The following ABCC9 variants were observed in gnomAD, a reference collection of about 807,000 sequenced individuals.
ABCC9 encodes the protein ATP binding cassette subfamily C member 9.
Under a neutral mutation model 188.3 loss-of-function variants are expected in ABCC9, and 95 were observed. That is an observed-to-expected ratio of 0.50 (90% CI 0.43 to 0.60). ABCC9 has a LOEUF of 0.60. Among genes scored for constraint, ABCC9 ranks in the 20% least tolerant of loss-of-function variants. ABCC9 has a pLI of 0.00. For missense variants in ABCC9, 1,102 were observed against 1,876.3 expected, an observed-to-expected ratio of 0.59 and a Z score of 7.62; for synonymous variants, 659 against 652.7, an observed-to-expected ratio of 1.01 and a Z score of -0.15.
At chr12:21,935,933 G>A (rs935122884) in intron 3 of ABCC9, among the ~76,000 whole-genome samples, 4 of 152,032 alleles carry the variant, frequency 2.6e-5, no homozygotes, top group Non-Finnish European at 5.9e-5. Context: ...AGACAAAACT[G>A]TATTGTTAAC....
intron 4 of ABCC9, among the ~76,000 whole-genome samples, chr12:21,931,473 T>C (rs555981689): frequency 6.6e-6 from 1 of 152,134 alleles, no homozygotes; most frequent in East Asian, 1.9e-4. Context: ...AGTCTATACC[T>C]AAAGAGTAGA....
intron 14 of ABCC9, among the ~76,000 whole-genome samples, chr12:21,892,902 G>A (rs1393303552): frequency 2.6e-5 from 4 of 152,006 alleles, no homozygotes; most frequent in Admixed American, 6.6e-5. Flanking sequence ...CTATGTTTCC[G>A]TCAATTGCAA....
At chr12:21,827,258 G>A (rs1425520836) in intron 31 of ABCC9, 5 of 985,156 alleles carry the variant, frequency 5.1e-6, no homozygotes, top group African/African-American at 1.7e-5. Flanking sequence ...CAGAGCATAT[G>A]GTTTGCTTGA....
chr12:21,850,850 C>G (rs1375505584), intron 24 of ABCC9, among the ~76,000 whole-genome samples: 1 of 152,104 alleles, frequency 6.6e-6, no homozygotes, highest in Non-Finnish European at 1.5e-5. Flanking sequence ...TCAACTGTAC[C>G]TGATACTGTT....
intron 7 of ABCC9, among the ~76,000 whole-genome samples, chr12:21,913,598 A>G (rs1183494934): frequency 6.6e-6 from 1 of 152,196 alleles, no homozygotes; most frequent in Admixed American, 6.6e-5. Context: ...GGTATTTCTT[A>G]TCTCCCTGAA....
At chr12:21,916,288 G>A (rs1184810771) in intron 6 of ABCC9, among the ~76,000 whole-genome samples, 1 of 152,056 alleles carries the variant, frequency 6.6e-6, no homozygotes, top group Non-Finnish European at 1.5e-5. Context: ...TTGATCTATG[G>A]TTTCCTGATG....
intron 30 of ABCC9, among the ~76,000 whole-genome samples, chr12:21,834,784 T>C (rs979160808): frequency 9.9e-5 from 3 of 30,310 alleles, no homozygotes; most frequent in South Asian, 3.1e-3. Flanking sequence ...TATATAACAT[T>C]ATACACACAC....
chr12:21,932,603 G>T (rs1592267033), intron 4 of ABCC9, among the ~76,000 whole-genome samples: 1 of 152,058 alleles, frequency 6.6e-6, no homozygotes, highest in East Asian at 1.9e-4. Flanking sequence ...AAAAAAGTGG[G>T]CAAAGGACAT....
intron 12 of ABCC9, among the ~76,000 whole-genome samples, chr12:21,899,923 A>G (rs1340842643): frequency 6.6e-6 from 1 of 152,224 alleles, no homozygotes; most frequent in Non-Finnish European, 1.5e-5. Context: ...AAACCTCTGC[A>G]GACTTAAATG....
chr12:21,836,327 G>A (rs1376568041), intron 30 of ABCC9, among the ~76,000 whole-genome samples: 1 of 152,080 alleles, frequency 6.6e-6, no homozygotes, highest in African/African-American at 2.4e-5. Flanking sequence ...TGCCCTTTGT[G>A]CACTGGCCTC....
At chr12:21,821,786 AG>A (rs1435166859) in intron 31 of ABCC9, among the ~76,000 whole-genome samples, 1 of 152,160 alleles carries the variant, frequency 6.6e-6, no homozygotes, top group Non-Finnish European at 1.5e-5. Context: ...GGTAACAGGT[AG>A]GTAGTCTTAT....
intron 3 of ABCC9, 53 bp downstream of exon 3, chr12:21,936,480 T>C: frequency 6.8e-7 from 1 of 1,476,636 alleles, no homozygotes; most frequent in Non-Finnish European, 9.4e-7. Flanking sequence ...TCTCAGCCAT[T>C]AGCGAGATAT....
At position 21,861,230 on chromosome 12, in the gene ABCC9, C is replaced by CATT. The variant is rs1350257236; in HGVS notation, c.2340-176_2340-175insAAT. On this transcript the variant is annotated intron_variant, in intron 20 of 39. Coordinates refer to ENST00000261200, the MANE Select transcript of ABCC9 (RefSeq NM_020297.4). ...AGATACATAAGTACTACTTCCCCCC[C>CATT]CTTTTTTTTTTTTTTTTGAAGACAG... 2.7e-4 allele frequency among the ~76,000 whole-genome samples: 40 copies of CATT among 146,736 alleles called. 2 individuals are homozygous for CATT. The highest frequency in any genetic ancestry group is 3.0e-4 in the African/African-American group (12 of 39,570).
At chr12:21,867,021 C>T (rs1254299934) in intron 18 of ABCC9, among the ~76,000 whole-genome samples, 1 of 152,046 alleles carries the variant, frequency 6.6e-6, no homozygotes, top group Admixed American at 6.6e-5. Flanking sequence ...CAAAACAGCA[C>T]ATAGGGGATC....
chr12:21,939,350 G>T (rs1214888801), intron 2 of ABCC9, among the ~76,000 whole-genome samples: 1 of 152,080 alleles, frequency 6.6e-6, no homozygotes, highest in Non-Finnish European at 1.5e-5. Context: ...CTAACAGCCA[G>T]CCTCCATTAC....
chr12:21,838,207 A>G (rs1944202238), intron 29 of ABCC9, 37 bp from the exon 30 acceptor site: 3 of 1,341,980 alleles, frequency 2.2e-6, no homozygotes, highest in African/African-American at 2.9e-5. Context: ...CTTCATGTGC[A>G]TCCAGACTCA....
At chr12:21,916,578 T>C (rs1948611276) in intron 6 of ABCC9, among the ~76,000 whole-genome samples, 1 of 152,216 alleles carries the variant, frequency 6.6e-6, no homozygotes, top group African/African-American at 2.4e-5. Flanking sequence ...TTTTCAGTTT[T>C]AAATTTCTGA....
chr12:21,858,060 AT>A (rs1022624222), intron 22 of ABCC9, among the ~76,000 whole-genome samples: 1 of 152,186 alleles, frequency 6.6e-6, no homozygotes, highest in Admixed American at 6.6e-5. Flanking sequence ...GGAATTGACA[AT>A]AATTTAGTCC....
chr12:21,923,892 G>A, intron 5 of ABCC9: 3 of 688,276 alleles, frequency 4.4e-6, no homozygotes, highest in Non-Finnish European at 7.9e-6. Context: ...ACAAGGGATT[G>A]AAAAAACTAT....
Sources: gnomAD v4.1 joint callset for allele counts (sites outside exome capture counted in the v4.1 genomes callset) on GRCh38, gnomAD v4.1.1 for gene constraint, MANE v1.5 for transcripts, NCBI Gene and HGNC (gene_info 2026-07-23, HGNC 2026-07-21) for gene names.